The following MEI4 variants were observed in gnomAD, a reference collection of about 807,000 sequenced individuals.
MEI4 encodes the protein meiotic double-stranded break formation protein 4.
A neutral mutation model predicts 31.4 loss-of-function variants in MEI4; 27 were observed. The observed-to-expected ratio is 0.86, with a 90% CI of 0.63 to 1.19. The LOEUF is 1.19. MEI4 is among the 50% of genes most tolerant of loss of function. The pLI, the probability that MEI4 is intolerant of heterozygous loss-of-function variation, is 0.00. For missense variants in MEI4, 329 were observed against 398.9 expected, an observed-to-expected ratio of 0.82 and a Z score of 1.49; for synonymous variants, 122 against 145.4, an observed-to-expected ratio of 0.84 and a Z score of 1.16.
chr6:77,811,197 T>G (rs1284369971), intron 3 of MEI4, among the ~76,000 whole-genome samples: 1 of 152,178 alleles, frequency 6.6e-6, no homozygotes. Flanking sequence ...AGTATCAGAT[T>G]GTCAAAGGTC....
intron 3 of MEI4, among the ~76,000 whole-genome samples, chr6:77,808,692 C>T (rs1582170958): frequency 6.6e-6 from 1 of 152,150 alleles, no homozygotes; most frequent in East Asian, 1.9e-4. Context: ...AGGTTGAATT[C>T]CCTGGGAAGC....
chr6:77,737,084 C>T (rs1334028741), intron 2 of MEI4, among the ~76,000 whole-genome samples: 3 of 152,120 alleles, frequency 2.0e-5, no homozygotes, highest in Non-Finnish European at 4.4e-5. Flanking sequence ...GTGTGACAGC[C>T]AGTGGAAAAC....
rs1428504673 is a variant in MEI4 at position 77,923,502 on chromosome 6, GTATGAAATTT to G, written c.*162_*171del. The G allele has an allele frequency of 2.9e-6, 2 of 679,908 alleles. No individual in the cohort carries two copies. Among genetic ancestry groups the G allele is most frequent in the Non-Finnish European group, 4.1e-6 (2 of 490,424 alleles). 42.1% of individuals were successfully genotyped at this position (679,908 alleles called of 1,614,324 possible). A position where few individuals can be genotyped will look rare whatever the true frequency, so the allele number is the denominator to read the frequency against. On this transcript the variant is annotated 3_prime_UTR_variant, in exon 5 of 5. Coordinates refer to ENST00000684080, the MANE Select transcript of MEI4 (RefSeq NM_001322247.2). ...TCAACTTAATGGTTAGTCTTAAATT[GTATGAAATTT>G]TATGAGTCATATTTCTATACTAAAA...
At chr6:77,894,641 T>C (rs1398862912) in intron 4 of MEI4, among the ~76,000 whole-genome samples, 1 of 152,180 alleles carries the variant, frequency 6.6e-6, no homozygotes, top group African/African-American at 2.4e-5. Context: ...CTGAGGCTGA[T>C]AAAATTTGCT....
At chr6:77,870,718 T>C (rs891971090) in intron 4 of MEI4, among the ~76,000 whole-genome samples, 4 of 152,104 alleles carry the variant, frequency 2.6e-5, no homozygotes, top group Admixed American at 6.6e-5. Context: ...AAGCTTGATA[T>C]GCTGGTTTTC....
intron 3 of MEI4, among the ~76,000 whole-genome samples, chr6:77,802,935 T>A (rs904916577): frequency 2.6e-5 from 4 of 152,164 alleles, no homozygotes; most frequent in Non-Finnish European, 5.9e-5. Context: ...TTGGTGAATC[T>A]TACAATTATG....
chr6:77,748,021 C>T (rs140556928), intron 2 of MEI4, among the ~76,000 whole-genome samples: 1,572 of 152,354 alleles, frequency 0.01, 27 homozygotes, highest in African/African-American at 0.036. Context: ...CCATGTCTCG[C>T]ATCTGCTGAT....
intron 3 of MEI4, among the ~76,000 whole-genome samples, chr6:77,778,706 C>CAAATAAAT (rs71546067): frequency 0.02 from 2,987 of 145,746 alleles, 46 homozygotes; most frequent in East Asian, 0.071. Context: ...GACCCTGTCT[C>CAAATAAAT]AAATAAATAA....
chr6:77,823,292 T>G (rs1769871913), intron 3 of MEI4, among the ~76,000 whole-genome samples: 1 of 152,218 alleles, frequency 6.6e-6, no homozygotes, highest in Non-Finnish European at 1.5e-5. Context: ...TCAATTGAGA[T>G]TGAAGCATTT....
chr6:77,760,796 T>C (rs1768024725), intron 2 of MEI4, among the ~76,000 whole-genome samples: 1 of 152,176 alleles, frequency 6.6e-6, no homozygotes, highest in Non-Finnish European at 1.5e-5. Flanking sequence ...TAGTTACCTA[T>C]TGGATTCACT....
In MEI4 at chr6:77,746,053, T is replaced by G. The variant is rs184710985; in HGVS notation, c.233-15077T>G. 1.3e-3 allele frequency among the ~76,000 whole-genome samples: 190 copies of G among 151,956 alleles called. 3 individuals are homozygous for G. The highest frequency in any genetic ancestry group is 6.8e-4 in the Non-Finnish European group (46 of 67,958). ...AAAATTGACACCCTAACATCACAATTAAAAGAACTAGAAAAGCAAGAGCAA... is the reference window on the plus strand; with the variant it reads ...AAAATTGACACCCTAACATCACAATGAAAAGAACTAGAAAAGCAAGAGCAA... On this transcript the variant is annotated intron_variant, in intron 2 of 4. Transcript: ENST00000684080.
chr6:77,719,216 G>A (rs1766658336), intron 2 of MEI4, among the ~76,000 whole-genome samples: 2 of 139,868 alleles, frequency 1.4e-5, no homozygotes, highest in South Asian at 4.5e-4. Context: ...CGCACTATTG[G>A]CCACACATTC....
At chr6:77,750,449 A>G (rs902625638) in intron 2 of MEI4, among the ~76,000 whole-genome samples, 1 of 152,226 alleles carries the variant, frequency 6.6e-6, no homozygotes, top group Non-Finnish European at 1.5e-5. Flanking sequence ...ATGGAAACCA[A>G]AGAAAGCAGG....
intron 3 of MEI4, among the ~76,000 whole-genome samples, chr6:77,784,351 T>C (rs1293903746): frequency 6.6e-6 from 1 of 152,192 alleles, no homozygotes. Flanking sequence ...TATTTTCTAA[T>C]TTAAGCTGTT....
intron 4 of MEI4, among the ~76,000 whole-genome samples, chr6:77,863,858 A>C (rs6933397): frequency 0.14 from 21,582 of 152,168 alleles, 1,810 homozygotes; most frequent in East Asian, 0.39. Flanking sequence ...CGAAGAGAAG[A>C]CCATCAGACT....
intron 4 of MEI4, among the ~76,000 whole-genome samples, chr6:77,846,728 T>C (rs1247326067): frequency 6.6e-6 from 1 of 152,202 alleles, no homozygotes; most frequent in Non-Finnish European, 1.5e-5. Flanking sequence ...TCAGTGCTTT[T>C]TACTTGACCT....
chr6:77,906,486 G>A (rs1234570021), intron 4 of MEI4, among the ~76,000 whole-genome samples: 1 of 152,178 alleles, frequency 6.6e-6, no homozygotes, highest in Non-Finnish European at 1.5e-5. Flanking sequence ...AGCAAACACT[G>A]TGGATATCTA....
chr6:77,728,788 G>A (rs1226036963), intron 2 of MEI4, among the ~76,000 whole-genome samples: 1 of 152,114 alleles, frequency 6.6e-6, no homozygotes, highest in Admixed American at 6.6e-5. Flanking sequence ...AGGAATAGAG[G>A]GTGAGTGATG....
In MEI4 at chr6:77,735,992, C is replaced by T. The variant is rs547849047; in HGVS notation, c.233-25138C>T. On this transcript the variant is annotated intron_variant, in intron 2 of 4. Coordinates refer to ENST00000684080, the MANE Select transcript of MEI4 (RefSeq NM_001322247.2). Reference sequence around the variant, plus strand: ...CACTTGAGGAGGCAGTCTGCCCGTTCTCAGATCTCCAGCTGCGTGCTGGGA... The same window carrying T: ...CACTTGAGGAGGCAGTCTGCCCGTTTTCAGATCTCCAGCTGCGTGCTGGGA... Among the ~76,000 whole-genome samples, 10 of 152,152 alleles carry T rather than the reference C, an allele frequency of 6.6e-5. No homozygotes were observed. In the South Asian group the frequency reaches 1.4e-3, roughly 22 times the overall value.
Sources: gnomAD v4.1 joint callset for allele counts (sites outside exome capture counted in the v4.1 genomes callset) on GRCh38, gnomAD v4.1.1 for gene constraint, MANE v1.5 for transcripts, NCBI Gene and HGNC (gene_info 2026-07-23, HGNC 2026-07-21) for gene names.